The following MEMO1 variants were observed in gnomAD, a reference collection of about 807,000 sequenced individuals.
MEMO1 encodes the protein protein MEMO1.
Under a neutral mutation model 45.2 loss-of-function variants are expected in MEMO1, and 6 were observed. That is an observed-to-expected ratio of 0.13 (90% confidence interval 0.07 to 0.26). The LOEUF is 0.26. Ranked by LOEUF, MEMO1 falls within the 10% of genes least tolerant of loss-of-function variation. The pLI is 1.00. For missense variants in MEMO1, 184 were observed against 370.5 expected (o/e 0.50, Z 4.13); for synonymous variants, 78 against 124.3 (o/e 0.63, Z 2.48).
At chr2:31,883,554 A>T (rs1675720663) in intron 7 of MEMO1, 92 bp from the exon 8 acceptor site, 2 of 897,214 alleles carry the variant, frequency 2.2e-6, no homozygotes, top group South Asian at 3.5e-5. Flanking sequence ...AGTTCTCATG[A>T]AAGGCAAAGC....
intron 2 of MEMO1, among the ~76,000 whole-genome samples, chr2:31,978,287 T>A (rs564901428): frequency 6.6e-6 from 1 of 152,072 alleles, no homozygotes; most frequent in South Asian, 2.1e-4. Flanking sequence ...CTCAGAAGGC[T>A]ATGGCAGGAG....
At chr2:31,910,353 G>A (rs1403252242) in intron 6 of MEMO1, among the ~76,000 whole-genome samples, 4 of 152,150 alleles carry the variant, frequency 2.6e-5, no homozygotes. Context: ...AAGAACAAAT[G>A]AGGGTAAAAT....
intron 8 of MEMO1, among the ~76,000 whole-genome samples, chr2:31,875,569 T>C (rs1437995282): frequency 1.3e-5 from 2 of 152,198 alleles, no homozygotes; most frequent in African/African-American, 4.8e-5. Flanking sequence ...TTGACTCTTA[T>C]TTCTGAAAAG....
intron 6 of MEMO1, among the ~76,000 whole-genome samples, chr2:31,916,791 A>G (rs529697355): frequency 1.3e-5 from 2 of 152,326 alleles, no homozygotes; most frequent in East Asian, 3.9e-4. Flanking sequence ...CATGGTTATC[A>G]TTGTGAGCAG....
At chr2:31,906,287 T>C (rs536459894) in intron 6 of MEMO1, among the ~76,000 whole-genome samples, 4 of 148,782 alleles carry the variant, frequency 2.7e-5, no homozygotes, top group Admixed American at 1.3e-4. Context: ...GCTATTCTTT[T>C]GTTTTTGTTT....
chr2:31,902,413 A>G (rs1487262422), intron 6 of MEMO1, among the ~76,000 whole-genome samples: 1 of 152,108 alleles, frequency 6.6e-6, no homozygotes, highest in African/African-American at 2.4e-5. Flanking sequence ...AAAAAAAGTT[A>G]AATCATTGAA....
rs370318466 is a variant in MEMO1 at position 31,968,121 on chromosome 2, C to T, written c.62-24738G>A. 9.2e-5 allele frequency among the ~76,000 whole-genome samples: 14 copies of T among 152,294 alleles called. No homozygotes were observed. The East Asian group carries it at 1.5e-3, about 17-fold the overall frequency. On this transcript the variant is annotated intron_variant, in intron 2 of 9. Transcript: ENST00000404530. ...CAAGAGCCAAATAGAATAGAATTAG[C>T]TGCTGTGCTTAATAAAAATTAAGAC...
At chr2:31,911,917 A>G (rs1303251771) in intron 6 of MEMO1, among the ~76,000 whole-genome samples, 1 of 152,170 alleles carries the variant, frequency 6.6e-6, no homozygotes, top group Non-Finnish European at 1.5e-5. Context: ...CTGGGATTAC[A>G]GGCCTCATGA....
chr2:31,986,256 G>T (rs556989947), intron 2 of MEMO1, among the ~76,000 whole-genome samples: 1 of 151,948 alleles, frequency 6.6e-6, no homozygotes, highest in Non-Finnish European at 1.5e-5. Flanking sequence ...AAAATTAGCC[G>T]GGCGTGGTGG....
intron 2 of MEMO1, among the ~76,000 whole-genome samples, chr2:31,997,298 G>C (rs921412508): frequency 6.6e-6 from 1 of 152,096 alleles, no homozygotes; most frequent in African/African-American, 2.4e-5. Flanking sequence ...GCAACCTGAA[G>C]AAAAGACACA....
At chr2:31,970,788 G>C (rs142428255) in intron 2 of MEMO1, among the ~76,000 whole-genome samples, 9,686 of 152,264 alleles carry the variant, frequency 0.064, 456 homozygotes, top group Non-Finnish European at 0.097. Flanking sequence ...GGGATCACTT[G>C]AGGTCAGGAG....
chr2:31,914,913 T>A (rs562555250), intron 6 of MEMO1, among the ~76,000 whole-genome samples: 8 of 149,146 alleles, frequency 5.4e-5, no homozygotes, highest in Non-Finnish European at 1.2e-4. Context: ...GTTATAATTG[T>A]GCCACTGCAC....
intron 6 of MEMO1, 84 bp from the exon 7 acceptor site, chr2:31,892,218 A>G (rs1677080368): frequency 1.7e-6 from 2 of 1,157,280 alleles, no homozygotes; most frequent in African/African-American, 3.1e-5. Flanking sequence ...AGAAAGTGGA[A>G]TATGTATTAA....
At chr2:31,977,862 A>C (rs1263306570) in intron 2 of MEMO1, among the ~76,000 whole-genome samples, 1 of 152,202 alleles carries the variant, frequency 6.6e-6, no homozygotes, top group Non-Finnish European at 1.5e-5. Context: ...ACTTCACAAA[A>C]TAAAATATGT....
At chr2:32,003,372 T>C (rs966647701) in intron 2 of MEMO1, among the ~76,000 whole-genome samples, 4 of 152,238 alleles carry the variant, frequency 2.6e-5, no homozygotes, top group African/African-American at 9.6e-5. Flanking sequence ...CAGCCGTGAT[T>C]ATAAGATGTA....
chr2:31,927,514 T>C (rs972036584), intron 4 of MEMO1, among the ~76,000 whole-genome samples: 1 of 151,746 alleles, frequency 6.6e-6, no homozygotes, highest in African/African-American at 2.4e-5. Context: ...ATACGTCAAC[T>C]AAAACAAATG....
At chr2:31,899,106 C>T (rs140263666) in intron 6 of MEMO1, among the ~76,000 whole-genome samples, 327 of 152,226 alleles carry the variant, frequency 2.1e-3, no homozygotes, top group African/African-American at 7.3e-3. Flanking sequence ...AACAGCCCAC[C>T]GCCCAAAGTA....
chr2:31,920,628 G>C (rs551863843), intron 5 of MEMO1, among the ~76,000 whole-genome samples, 170 bp downstream of exon 5: 75 of 152,212 alleles, frequency 4.9e-4, no homozygotes, highest in Non-Finnish European at 1.5e-5. Context: ...TTGCCTTTTA[G>C]GGATATGGAA....
At chr2:31,873,050 T>A (rs1050216774) in intron 8 of MEMO1, among the ~76,000 whole-genome samples, 2 of 152,148 alleles carry the variant, frequency 1.3e-5, no homozygotes, top group African/African-American at 4.8e-5. Context: ...TTCAATGCTG[T>A]TGGCAAAAGT....
Sources: gnomAD v4.1 joint callset for allele counts (sites outside exome capture counted in the v4.1 genomes callset) on GRCh38, gnomAD v4.1.1 for gene constraint, MANE v1.5 for transcripts, NCBI Gene and HGNC (gene_info 2026-07-23, HGNC 2026-07-21) for gene names.